Variants in ADAMTS14 observed in about 807,000 individuals in gnomAD.
ADAMTS14 encodes A disintegrin and metalloproteinase with thrombospondin motifs 14.
In ADAMTS14, 100 loss-of-function variants were observed where a neutral mutation model predicts 128.6. The ratio of observed to expected loss-of-function variants is 0.78; its 90% confidence interval spans 0.66 to 0.92. ADAMTS14 has a LOEUF of 0.92. ADAMTS14 is among the 40% of genes least tolerant of loss of function. The pLI is 0.00. For synonymous variants in ADAMTS14, 665 were observed against 653.8 expected, an observed-to-expected ratio of 1.02 and a Z score of -0.26; for missense variants, 1,562 against 1,658.6, an observed-to-expected ratio of 0.94 and a Z score of 1.01.
intron 9 of ADAMTS14, among the ~76,000 whole-genome samples, chr10:70,735,555 T>A (rs1431619016): frequency 6.6e-6 from 1 of 152,192 alleles, no homozygotes; most frequent in East Asian, 1.9e-4. Context: ...GGGCACCTGA[T>A]GGGATACTGT....
intron 4 of ADAMTS14, among the ~76,000 whole-genome samples, chr10:70,709,976 G>C (rs552763019): frequency 6.6e-6 from 1 of 152,362 alleles, no homozygotes; most frequent in African/African-American, 2.4e-5. Flanking sequence ...GCCTGTGGCT[G>C]TGTGGTTCTG....
At chr10:70,745,855 CT>C (rs1842163573) in intron 15 of ADAMTS14, among the ~76,000 whole-genome samples, 1 of 152,116 alleles carries the variant, frequency 6.6e-6, no homozygotes, top group African/African-American at 2.4e-5. Context: ...GCTCACATGT[CT>C]GGTGGTTGGT....
chr10:70,730,085 T>A lies in ADAMTS14; in HGVS notation c.955-17T>A. The A allele has an allele frequency of 6.4e-7, 1 of 1,570,332 alleles. No homozygotes were observed. The highest frequency in any genetic ancestry group is 1.1e-5 in the South Asian group (1 of 88,180). ...TGACCCTCCACGTGGCTGTTGGTGCTCTCCCGGCCCCTGCAGTCCCTGAGC... is the reference window on the plus strand; with the variant it reads ...TGACCCTCCACGTGGCTGTTGGTGCACTCCCGGCCCCTGCAGTCCCTGAGC... On this transcript the variant is annotated splice_polypyrimidine_tract_variant and intron_variant, in intron 5 of 21. Transcript: ENST00000373207.
At chr10:70,682,577 C>G (rs1197955776) in intron 2 of ADAMTS14, among the ~76,000 whole-genome samples, 1 of 152,210 alleles carries the variant, frequency 6.6e-6, no homozygotes, top group Non-Finnish European at 1.5e-5. Context: ...ATAGTAATCA[C>G]TTCATACAGT....
In ADAMTS14 at chr10:70,760,807, T is replaced by C; in HGVS notation, c.3626T>C (p.Leu1209Pro). Reference sequence around the variant, plus strand: ...GACAAAGGGCAACCTGGAGAAGACCTGAGACATCCCGGCACCAGCCTCCCT... The same window carrying C: ...GACAAAGGGCAACCTGGAGAAGACCCGAGACATCCCGGCACCAGCCTCCCT... Reference protein sequence around the residue: ...PEDKGQPGEDLRHPGTSLPAA... With the variant: ...PEDKGQPGEDPRHPGTSLPAA... Residue 1209 changes from leucine to proline, a missense_variant, in exon 22 of 22, where the codon CTG becomes CCG. By Grantham distance (98) the Leu-to-Pro change is moderately conservative. Coordinates refer to ENST00000373207, the MANE Select transcript of ADAMTS14 (RefSeq NM_080722.4). 1 of 1,599,966 alleles carries C rather than the reference T, an allele frequency of 6.3e-7. No individual in the cohort carries two copies. Among genetic ancestry groups the C allele is most frequent in the Non-Finnish European group, 8.5e-7 (1 of 1,171,290 alleles).
chr10:70,761,228 G>C lies in ADAMTS14; in HGVS notation c.*375G>C, dbSNP rs1013160132. On this transcript the variant is annotated 3_prime_UTR_variant, in exon 22 of 22. Transcript: ENST00000373207. ...AGCTGTCAGGGCTGCCTGCCTTCCC[G>C]GAACTGTGAGGACCCCTGTGGAGGC... is the stretch of plus-strand genomic sequence containing the variant. 5.2e-6 allele frequency: 1 copy of C among 191,794 alleles called. No individual in the cohort carries two copies. 11.9% of individuals were successfully genotyped at this position (191,794 alleles called of 1,614,324 possible).
chr10:70,751,390 A>C, intron 16 of ADAMTS14, 88 bp from the exon 17 acceptor site: 20 of 1,291,288 alleles, frequency 1.5e-5, no homozygotes, highest in Non-Finnish European at 2.0e-5. Flanking sequence ...CTCCGACCCT[A>C]AGGCCTTCTC....
Position 70,678,673 on chromosome 10 carries a change from G to A in ADAMTS14, c.522+3678G>A, listed in dbSNP as rs565643999. Among the ~76,000 whole-genome samples, 18 of 152,262 alleles carry A rather than the reference G, an allele frequency of 1.2e-4. No individual in the cohort carries two copies. In the East Asian group the frequency reaches 3.1e-3, roughly 26 times the overall value. ...GTGTGGGGCAGGGATGGGGTAGGTT[G>A]CTCTCTTGAAGAGGCTGGGCTGGGA... On this transcript the variant is annotated intron_variant, in intron 2 of 21. Transcript: ENST00000373207.
chr10:70,704,691 AC>A (rs1386168265), intron 3 of ADAMTS14, among the ~76,000 whole-genome samples: 4 of 111,574 alleles, frequency 3.6e-5, no homozygotes, highest in South Asian at 3.1e-4. Flanking sequence ...ACAAACACAC[AC>A]CCCCTACACC....
intron 3 of ADAMTS14, among the ~76,000 whole-genome samples, chr10:70,702,842 T>C (rs906849003): frequency 2.0e-5 from 3 of 152,150 alleles, no homozygotes; most frequent in Non-Finnish European, 4.4e-5. Flanking sequence ...AAGGGAGTTA[T>C]TAGGGCACCT....
chr10:70,758,854 A>G (rs768756498), intron 21 of ADAMTS14, among the ~76,000 whole-genome samples: 13 of 152,112 alleles, frequency 8.5e-5, no homozygotes, highest in Non-Finnish European at 1.6e-4. Context: ...CCATCTTTCC[A>G]TTCATCCACC....
chr10:70,749,608 AGTGTGTGTGT>A (rs72483126), intron 15 of ADAMTS14, among the ~76,000 whole-genome samples: 7 of 147,872 alleles, frequency 4.7e-5, no homozygotes, highest in South Asian at 4.4e-4. Flanking sequence ...AGGCAGCAAG[AGTGTGTGTGT>A]GTGTGTGTGT....
At chr10:70,688,012 A>G (rs1589263774) in intron 2 of ADAMTS14, among the ~76,000 whole-genome samples, 1 of 53,532 alleles carries the variant, frequency 1.9e-5, no homozygotes, top group Non-Finnish European at 3.7e-5. Flanking sequence ...CCGGGCGGAG[A>G]CGCTCCTCAC....
chr10:70,708,711 A>G lies in ADAMTS14; in HGVS notation c.803A>G (p.Asp268Gly), dbSNP rs1467737622. 1.2e-6 allele frequency: 2 copies of G among 1,613,162 alleles called. No individual in the cohort carries two copies. Among genetic ancestry groups the G allele is most frequent in the South Asian group, 2.2e-5 (2 of 91,016 alleles). ...AGCATCGAGGTGCTGCTGGTGGTGG[A>G]CGACTCGGTGGTTCGCTTCCATGGC... ...SYSIEVLLVV[D>G]DSVVRFHGKE... Residue 268 changes from aspartate (D) to glycine (G), a missense_variant, in exon 4 of 22, where the codon GAC becomes GGC. Coordinates refer to ENST00000373207, the MANE Select transcript of ADAMTS14 (RefSeq NM_080722.4).
Position 70,734,022 on chromosome 10 carries a change from A to T in ADAMTS14, c.1346A>T (p.Tyr449Phe). ...TGCAGCAAGCTGGAGCTCAGCCGCTACCTCCCGTAGGTCATTCCTGCCCTC... is the reference window on the plus strand; with the variant it reads ...TGCAGCAAGCTGGAGCTCAGCCGCTTCCTCCCGTAGGTCATTCCTGCCCTC... The part of the protein sequence containing the change: ...SRCSKLELSR[Y>F]LPSYDCLLDD... Residue 449 changes from tyrosine (Y) to phenylalanine (F), a missense_variant, in exon 8 of 22, where the codon TAC becomes TTC. Transcript: ENST00000373207. 6.2e-7 allele frequency: 1 copy of T among 1,612,064 alleles called. No individual in the cohort carries two copies. The highest frequency in any genetic ancestry group is 8.5e-7 in the Non-Finnish European group (1 of 1,179,834).
At chr10:70,727,637 C>A (rs936065653) in intron 4 of ADAMTS14, among the ~76,000 whole-genome samples, 1 of 151,362 alleles carries the variant, frequency 6.6e-6, no homozygotes, top group Non-Finnish European at 1.5e-5. Flanking sequence ...CATCCCTGAC[C>A]ATGCTGGTGG....
intron 4 of ADAMTS14, among the ~76,000 whole-genome samples, chr10:70,718,901 A>C (rs1184021179): frequency 6.6e-6 from 1 of 150,786 alleles, no homozygotes; most frequent in Admixed American, 6.6e-5. Flanking sequence ...TTACTATATT[A>C]CCCAAGCTGG....
intron 18 of ADAMTS14, among the ~76,000 whole-genome samples, chr10:70,752,921 C>T (rs779301127): frequency 5.3e-5 from 8 of 152,232 alleles, no homozygotes; most frequent in Non-Finnish European, 8.8e-5. Flanking sequence ...ACCAGCCCCT[C>T]CTCTGCCCAA....
intron 4 of ADAMTS14, among the ~76,000 whole-genome samples, chr10:70,719,423 G>T (rs928567408): frequency 1.3e-5 from 2 of 148,378 alleles, no homozygotes; most frequent in African/African-American, 5.0e-5. Context: ...CTTTTTAGAG[G>T]TAGGGTCTTG....
Sources: allele counts gnomAD v4.1 joint callset (sites outside exome capture counted in the v4.1 genomes callset), GRCh38; gene constraint gnomAD v4.1.1; transcripts MANE v1.5; gene names NCBI Gene and HGNC (gene_info 2026-07-23, HGNC 2026-07-21).